Variants in HERC1 observed in about 807,000 individuals in gnomAD.
HERC1 encodes probable E3 ubiquitin-protein ligase HERC1.
A neutral mutation model predicts 554.3 loss-of-function variants in HERC1; 160 were observed. That is an observed-to-expected ratio of 0.29 (90% CI 0.25 to 0.33). The LOEUF (loss-of-function observed/expected upper bound fraction) is 0.33, where lower values mean the gene tolerates loss of function less well. Ranked by LOEUF, HERC1 falls within the 10% of genes least tolerant of loss-of-function variation. The pLI is 1.00. For synonymous variants in HERC1, 2,175 were observed against 2,131.7 expected, an observed-to-expected ratio of 1.02 and a Z score of -0.56; for missense variants, 4,919 against 5,918.5, an observed-to-expected ratio of 0.83 and a Z score of 5.54.
intron 77 of HERC1, among the ~76,000 whole-genome samples, chr15:63,611,492 C>T (rs1377329040): frequency 6.6e-6 from 1 of 152,222 alleles, no homozygotes; most frequent in Non-Finnish European, 1.5e-5. Flanking sequence ...AGAGATGCAG[C>T]CCTGCCTGCT....
At chr15:63,631,834 C>T (rs1566955612) in intron 68 of HERC1, among the ~76,000 whole-genome samples, 1 of 152,206 alleles carries the variant, frequency 6.6e-6, no homozygotes, top group Non-Finnish European at 1.5e-5. Flanking sequence ...AGCCACGGCG[C>T]CCGGCCCTCC....
chr15:63,715,468 A>C (rs1219559656), intron 22 of HERC1, among the ~76,000 whole-genome samples: 1 of 151,928 alleles, frequency 6.6e-6, no homozygotes, highest in Non-Finnish European at 1.5e-5. Context: ...AACTCCCTTT[A>C]CTCCATTTGG....
Position 63,729,231 on chromosome 15 carries a change from C to A in HERC1, c.3154+5G>T. 1 of 1,592,468 alleles carries A rather than the reference C, an allele frequency of 6.3e-7. No individual in the cohort carries two copies. Among genetic ancestry groups the A allele is most frequent in the Non-Finnish European group, 8.5e-7 (1 of 1,173,318 alleles). On this transcript the variant is annotated splice_donor_5th_base_variant and intron_variant, in intron 16 of 77. Transcript: ENST00000443617. ...ATTAAATTTGAAATGAAATACCAAACTCACCTCTTAATTTTTCTCCAACAC... is the reference window on the plus strand; with the variant it reads ...ATTAAATTTGAAATGAAATACCAAAATCACCTCTTAATTTTTCTCCAACAC...
rs1325806360 is a variant in HERC1 at position 63,669,676 on chromosome 15, T to C, written c.8068A>G (p.Thr2690Ala). The C allele has an allele frequency of 1.4e-5, 22 of 1,613,722 alleles. No homozygotes were observed. The highest frequency in any genetic ancestry group is 1.6e-4 in the Middle Eastern group (1 of 6,068). Reference protein sequence around the residue: ...LLRQMFSSYPTTTVLPTRRAQ... With the variant: ...LLRQMFSSYPATTVLPTRRAQ... ...CGACGTGTGGGAAGTACAGTGGTAG[T>C]TGGGTAACTAGAGAACATTTGCCTT... The change falls in exon 40 of 78, where the codon ACT (threonine) becomes GCT (alanine). Residue 2690 changes from threonine to alanine, a missense_variant. By Grantham distance (58) the Thr-to-Ala change is moderately conservative. Transcript: ENST00000443617.
At position 63,674,771 on chromosome 15, in the gene HERC1, G is replaced by A. The variant is rs370627508; in HGVS notation, c.7417C>T (p.Pro2473Ser). Residue 2473 changes from proline to serine, a missense_variant, in exon 38 of 78, where the codon CCA becomes TCA. This residue lies in a region of HERC1 where 1,963 missense variants were observed against 2,228.6 expected (regional missense o/e 0.88). Transcript: ENST00000443617. Reference protein sequence around the residue: ...IASFSLDPTLPSVESQHQITE... With the variant: ...IASFSLDPTLSSVESQHQITE... The stretch of plus-strand genomic sequence containing the variant: ...ATTTGATGTTGGGATTCCACACTTG[G>A]CAGTGTTGGATCTAAAGAAAATGAA... 4 of 1,613,768 alleles carry A rather than the reference G, an allele frequency of 2.5e-6. No individual in the cohort carries two copies. The highest frequency in any genetic ancestry group is 3.4e-6 in the Non-Finnish European group (4 of 1,179,838).
In HERC1 at chr15:63,727,316, A is replaced by G. The variant is rs1247795096; in HGVS notation, c.3346+331T>C. Among the ~76,000 whole-genome samples, 1 of 152,136 alleles carries G rather than the reference A, an allele frequency of 6.6e-6. No homozygotes were observed. Among genetic ancestry groups the G allele is most frequent in the African/African-American group, 2.4e-5 (1 of 41,428 alleles). On this transcript the variant is annotated intron_variant, in intron 17 of 77. Coordinates refer to ENST00000443617, the MANE Select transcript of HERC1 (RefSeq NM_003922.4). This position sits in a 1 kb window ranked among gnomAD's most constrained non-coding sequence, Gnocchi z 4.3. The stretch of plus-strand genomic sequence containing the variant: ...GAAAGAATAAATTTGGAACAACTCC[A>G]TATAAAGCCTAATCAACATCCTGAT...
rs772269262 is a variant in HERC1, at chr15:63,729,514, T to C, written c.3004A>G (p.Ile1002Val). ...LQKQLLAFCHINNISENSSSV... is the reference protein window; with the variant it reads ...LQKQLLAFCHVNNISENSSSV... ...TCGCATACCTCACTAATGTTATTGATATGGCAAAATGCCAGCAGCTGTTTC... is the reference window on the plus strand; with the variant it reads ...TCGCATACCTCACTAATGTTATTGACATGGCAAAATGCCAGCAGCTGTTTC... Residue 1002 changes from isoleucine (I) to valine (V), a missense_variant, in exon 15 of 78, where the codon ATC becomes GTC. This residue lies in a region of HERC1 where 744 missense variants were observed against 1,090.0 expected (regional missense o/e 0.68). Transcript: ENST00000443617. The C allele has an allele frequency of 1.2e-6, 2 of 1,613,748 alleles. No homozygotes were observed. Among genetic ancestry groups the C allele is most frequent in the South Asian group, 1.1e-5 (1 of 91,068 alleles).
chr15:63,828,906 A>G (rs2078031832), intron 1 of HERC1, among the ~76,000 whole-genome samples: 1 of 152,172 alleles, frequency 6.6e-6, no homozygotes, highest in African/African-American at 2.4e-5. Flanking sequence ...ACTACATACA[A>G]ATACACTAAT....
At chr15:63,820,623 A>C (rs2077656023) in intron 1 of HERC1, among the ~76,000 whole-genome samples, 1 of 152,252 alleles carries the variant, frequency 6.6e-6, no homozygotes, top group African/African-American at 2.4e-5. Flanking sequence ...CATAAATACT[A>C]CTGTATTTGT....
At chr15:63,657,865 G>A (rs903557662) in intron 48 of HERC1, among the ~76,000 whole-genome samples, 3 of 151,890 alleles carry the variant, frequency 2.0e-5, no homozygotes, top group Non-Finnish European at 2.9e-5. Flanking sequence ...ATCAGACCCT[G>A]CTTCAGTTAC....
At chr15:63,754,475 A>G in intron 7 of HERC1, 30 bp downstream of exon 7, 1 of 1,533,738 alleles carries the variant, frequency 6.5e-7, no homozygotes, top group Non-Finnish European at 8.8e-7. Flanking sequence ...GAAAAAAGCC[A>G]AAGCTACTGA....
chr15:63,609,376 T>C (rs2067490829), intron 77 of HERC1, 110 bp from the exon 78 acceptor site: 2 of 977,120 alleles, frequency 2.0e-6, no homozygotes, highest in Non-Finnish European at 2.9e-6. Context: ...CATGGCCACA[T>C]GGTTAAGTCA....
At chr15:63,660,834 T>C in intron 46 of HERC1, 139 bp downstream of exon 46, 1 of 550,828 alleles carries the variant, frequency 1.8e-6, no homozygotes, top group East Asian at 3.0e-5. Context: ...TTCCCTTGAG[T>C]TTTTAAGGGA....
intron 57 of HERC1, 141 bp downstream of exon 57, chr15:63,644,850 AG>A: frequency 1.6e-6 from 1 of 620,052 alleles, no homozygotes; most frequent in Admixed American, 3.0e-5. Flanking sequence ...AAGCTAATTC[AG>A]GATGACAATT....
At chr15:63,613,639 C>T (rs1337428920) in intron 76 of HERC1, among the ~76,000 whole-genome samples, 2 of 151,624 alleles carry the variant, frequency 1.3e-5, no homozygotes, top group Admixed American at 6.6e-5. Context: ...TCGTGTTGTA[C>T]ACCTTAAATA....
intron 4 of HERC1, among the ~76,000 whole-genome samples, chr15:63,757,105 T>C (rs559222352): frequency 6.9e-4 from 105 of 151,614 alleles, no homozygotes; most frequent in Non-Finnish European, 1.1e-3. Context: ...GCAAGAACCA[T>C]ATAAAATGTA....
rs1242956844 is a variant in HERC1 at position 63,621,126 on chromosome 15, T to C, written c.13688+1689A>G. On this transcript the variant is annotated intron_variant, in intron 74 of 77. Transcript: ENST00000443617. Reference sequence around the variant, plus strand: ...CAATTTGGCATGTTTTTGCAGTGGCTGGTACCAGTTCTTCCTTTCCATGTT... The same window carrying C: ...CAATTTGGCATGTTTTTGCAGTGGCCGGTACCAGTTCTTCCTTTCCATGTT... Among the ~76,000 whole-genome samples the C allele has an allele frequency of 3.3e-5, 5 of 152,394 alleles. No individual in the cohort carries two copies. The East Asian group carries it at 9.6e-4, about 29-fold the overall frequency.
Position 63,674,382 on chromosome 15 carries a change from A to G in HERC1, c.7806T>C (p.His2602=). The change falls in exon 38 of 78, where the codon CAT becomes CAC. Residue 2602 remains histidine, a synonymous_variant. Transcript: ENST00000443617. ...AQAMIYKLVV[H]GLLEDQFGGK... ...CCCCAAACTGGTCTTCCAAAAGCCC[A>G]TGAACCACTAATTTATAGATCATGG... is the stretch of plus-strand genomic sequence containing the variant. The G allele has an allele frequency of 1.2e-6, 2 of 1,613,104 alleles. No individual in the cohort carries two copies. Among genetic ancestry groups the G allele is most frequent in the Non-Finnish European group, 1.7e-6 (2 of 1,179,606 alleles).
Position 63,616,700 on chromosome 15 carries a change from A to G in HERC1, c.13689-18T>C, listed in dbSNP as rs1188632629. 1 of 1,609,044 alleles carries G rather than the reference A, an allele frequency of 6.2e-7. No individual in the cohort carries two copies. Among genetic ancestry groups the G allele is most frequent in the Middle Eastern group, 1.7e-4 (1 of 6,034 alleles). ...AAAGGAACCTGTAAAATTAAAGGGA[A>G]TATTTCAAACAGCATTTTCCTTATT... On this transcript the variant is annotated intron_variant, in intron 74 of 77. Coordinates refer to ENST00000443617, the MANE Select transcript of HERC1 (RefSeq NM_003922.4).
Sources: gnomAD v4.1 joint callset for allele counts (sites outside exome capture counted in the v4.1 genomes callset) on GRCh38, gnomAD v4.1.1 for gene constraint, gnomAD v4.1.1 regional missense constraint, Gnocchi (gnomAD v3.1) non-coding constraint, MANE v1.5 for transcripts, NCBI Gene and HGNC (gene_info 2026-07-23, HGNC 2026-07-21) for gene names.